ATP2C2: variants seen among roughly 807,000 people sequenced by gnomAD.
ATP2C2 encodes ATPase secretory pathway Ca2+ transporting 2.
Under a neutral mutation model 110.8 loss-of-function variants are expected in ATP2C2, and 171 were observed. That is an observed-to-expected ratio of 1.54 (90% CI 1.36 to 1.75). The LOEUF (loss-of-function observed/expected upper bound fraction) is 1.75, where lower values mean the gene tolerates loss of function less well. ATP2C2 is among the 40% of genes most tolerant of loss of function. The pLI is 0.00. For missense variants in ATP2C2, 1,963 were observed against 1,235.0 expected (o/e 1.59, Z -8.84); for synonymous variants, 804 against 508.4 (o/e 1.58, Z -7.82).
intron 7 of ATP2C2, 65 bp downstream of exon 7, chr16:84,415,656 G>C: frequency 1.5e-6 from 2 of 1,322,782 alleles, no homozygotes; most frequent in South Asian, 1.3e-5. Context: ...CAGACACTTA[G>C]CTAATTGTAG....
chr16:84,450,622 C>T (rs1910171312), intron 17 of ATP2C2, among the ~76,000 whole-genome samples: 1 of 152,122 alleles, frequency 6.6e-6, no homozygotes, highest in African/African-American at 2.4e-5. Flanking sequence ...GTCATTGGCG[C>T]AGTGTCATGA....
intron 1 of ATP2C2, among the ~76,000 whole-genome samples, chr16:84,375,410 A>G (rs145933561): frequency 5.4e-4 from 82 of 152,240 alleles, no homozygotes; most frequent in African/African-American, 1.9e-3. Flanking sequence ...GTGTGGTGGC[A>G]TGTGCCTGTA....
At chr16:84,380,647 G>A (rs1363346699) in intron 1 of ATP2C2, among the ~76,000 whole-genome samples, 1 of 152,158 alleles carries the variant, frequency 6.6e-6, no homozygotes, top group Non-Finnish European at 1.5e-5. Context: ...GAAGTCTACA[G>A]CCCAGGCTGC....
At position 84,448,620 on chromosome 16, in the gene ATP2C2, C is replaced by T. The variant is rs747948688; in HGVS notation, c.1591C>T (p.Pro531Ser). 9.3e-6 allele frequency: 15 copies of T among 1,614,040 alleles called. No homozygotes were observed. Among genetic ancestry groups the T allele is most frequent in the Admixed American group, 1.7e-5 (1 of 60,008 alleles). Reference protein sequence around the residue: ...TMYNNGGIPLPLTPQQRSFCL... With the variant: ...TMYNNGGIPLSLTPQQRSFCL... The stretch of plus-strand genomic sequence containing the variant: ...GTACAACAACGGGGGCATCCCCCTG[C>T]CGCTGACGCCCCAGCAGAGGTCATT... Residue 531 changes from proline (P) to serine (S), a missense_variant, in exon 17 of 27, where the codon CCG becomes TCG. Pro to Ser is a moderately conservative substitution (Grantham distance 74). Transcript: ENST00000262429.
chr16:84,436,395 C>T (rs1908738510), intron 11 of ATP2C2, among the ~76,000 whole-genome samples: 2 of 152,150 alleles, frequency 1.3e-5, no homozygotes, highest in South Asian at 4.1e-4. Context: ...TGGCCGATTT[C>T]ACGTATTTCC....
rs1053207097 is a variant in ATP2C2 at position 84,459,652 on chromosome 16, C to T, written c.2333+266C>T. The T allele has an allele frequency of 3.5e-5, 49 of 1,395,126 alleles. 1 individual carries two copies. Among genetic ancestry groups the T allele is most frequent in the Non-Finnish European group, 4.2e-5 (43 of 1,025,234 alleles). The allele number at this position is 1,395,126 out of a possible 1,614,324, so 86.4% of individuals were successfully genotyped here. On this transcript the variant is annotated intron_variant, in intron 23 of 26. Transcript: ENST00000262429. Reference sequence around the variant, plus strand: ...TGCTCTCTCTGGGCAACCTGCATGGCTCATTCTCATGCTTCATTCCAGTCA... The same window carrying T: ...TGCTCTCTCTGGGCAACCTGCATGGTTCATTCTCATGCTTCATTCCAGTCA...
intron 1 of ATP2C2, among the ~76,000 whole-genome samples, chr16:84,388,556 C>T (rs4782946): frequency 0.32 from 48,931 of 151,902 alleles, 8,221 homozygotes; most frequent in South Asian, 0.44. Context: ...CAGATCTGTG[C>T]CTTGGGAGAG....
At chr16:84,461,354 C>T in intron 24 of ATP2C2, 2 of 365,258 alleles carry the variant, frequency 5.5e-6, no homozygotes, top group East Asian at 1.2e-4. Flanking sequence ...CTCCAGCTCT[C>T]CCTCTACTAC....
chr16:84,371,713 C>A (rs1425337378), intron 1 of ATP2C2, among the ~76,000 whole-genome samples: 1 of 152,216 alleles, frequency 6.6e-6, no homozygotes, highest in Non-Finnish European at 1.5e-5. Context: ...TAGCCCCAGC[C>A]CACTGCCTTC....
Position 84,442,734 on chromosome 16 carries a change from C to T in ATP2C2, c.1401+135C>T, listed in dbSNP as rs1213567032. 17 of 815,862 alleles carry T rather than the reference C, an allele frequency of 2.1e-5. No individual in the cohort carries two copies. In the East Asian group the frequency reaches 4.5e-4, roughly 22 times the overall value. The allele number at this position is 815,862 out of a possible 1,614,324, so 50.5% of individuals were successfully genotyped here. On this transcript the variant is annotated intron_variant, in intron 15 of 26. Coordinates refer to ENST00000262429, the MANE Select transcript of ATP2C2 (RefSeq NM_014861.4). ...CATGGAAGAAAATGGCCCACACTGG[C>T]CTTGGGCCATCTGTTGGTGGTGGAG...
At chr16:84,434,631 C>A (rs1908581815) in intron 11 of ATP2C2, among the ~76,000 whole-genome samples, 1 of 151,726 alleles carries the variant, frequency 6.6e-6, no homozygotes, top group Non-Finnish European at 1.5e-5. Flanking sequence ...GATTCTCCTG[C>A]CTCAGCCTCC....
chr16:84,372,474 C>A lies in ATP2C2; in HGVS notation c.99+3760C>A, dbSNP rs138405162. Among the ~76,000 whole-genome samples, 560 of 152,250 alleles carry A rather than the reference C, an allele frequency of 3.7e-3. 1 individual carries two copies. The highest frequency in any genetic ancestry group is 0.011 in the African/African-American group (477 of 41,554). ...TTCGAGACAGTGTCTCGCCCTGTCA[C>A]CCAGGCTGGAGTGCAATGGCATGGT... On this transcript the variant is annotated intron_variant, in intron 1 of 26. Transcript: ENST00000262429.
At chr16:84,439,687 C>T (rs1909069940) in intron 13 of ATP2C2, among the ~76,000 whole-genome samples, 163 bp downstream of exon 13, 1 of 152,104 alleles carries the variant, frequency 6.6e-6, no homozygotes, top group African/African-American at 2.4e-5. Context: ...TTTAATCATC[C>T]CATACTTCCT....
chr16:84,399,761 C>T (rs1905208373), intron 2 of ATP2C2, among the ~76,000 whole-genome samples: 1 of 152,176 alleles, frequency 6.6e-6, no homozygotes, highest in South Asian at 2.1e-4. Flanking sequence ...CTTTGTGTTA[C>T]AAGTCATCCA....
chr16:84,451,587 C>T (rs1384982807), intron 17 of ATP2C2, among the ~76,000 whole-genome samples: 1 of 152,188 alleles, frequency 6.6e-6, no homozygotes, highest in African/African-American at 2.4e-5. Context: ...CCTGTAATCC[C>T]AGCACTTGGG....
rs116047707 is a variant in ATP2C2, at chr16:84,405,083, C to T, written c.211-45C>T. ...GAGTCTGTACCCTGTTGCCTCATTC[C>T]TTGCTGCGCCCATGAGTGAGCTTGT... On this transcript the variant is annotated intron_variant, in intron 2 of 26. Transcript: ENST00000262429. 385 of 1,531,730 alleles carry T rather than the reference C, an allele frequency of 2.5e-4. No homozygotes were observed. The African/African-American group carries it at 4.7e-3, about 19-fold the overall frequency. The allele number at this position is 1,531,730 out of a possible 1,614,324, so 94.9% of individuals were successfully genotyped here.
At chr16:84,405,920 C>CA (rs1905726761) in intron 3 of ATP2C2, among the ~76,000 whole-genome samples, 1 of 151,850 alleles carries the variant, frequency 6.6e-6, no homozygotes, top group South Asian at 2.1e-4. Flanking sequence ...ACCTTGTCTC[C>CA]ACAACAACAA....
intron 1 of ATP2C2, among the ~76,000 whole-genome samples, chr16:84,388,757 TTTTTG>T (rs1176759439): frequency 1.3e-5 from 2 of 152,166 alleles, no homozygotes; most frequent in African/African-American, 2.4e-5. Context: ...TGAAATTCTT[TTTTTG>T]TTTTGTTTTA....
intron 11 of ATP2C2, among the ~76,000 whole-genome samples, chr16:84,438,249 A>C (rs1469836523): frequency 6.6e-6 from 1 of 152,204 alleles, no homozygotes; most frequent in African/African-American, 2.4e-5. Flanking sequence ...GCCACTACCC[A>C]GCTTCAGCAG....
Sources: gnomAD v4.1 joint callset for allele counts (sites outside exome capture counted in the v4.1 genomes callset) on GRCh38, gnomAD v4.1.1 for gene constraint, MANE v1.5 for transcripts, NCBI Gene and HGNC (gene_info 2026-07-23, HGNC 2026-07-21) for gene names.